The following PSMD6 variants were observed in gnomAD, a reference collection of about 807,000 sequenced individuals.
PSMD6 encodes the protein proteasome 26S subunit, non-ATPase 6, also known as 26S proteasome non-ATPase regulatory subunit 6.
Under a neutral mutation model 44.9 loss-of-function variants are expected in PSMD6, and 7 were observed. The ratio of observed to expected loss-of-function variants is 0.16; its 90% confidence interval spans 0.09 to 0.29. PSMD6 has a LOEUF of 0.29. Ranked by LOEUF, PSMD6 falls within the 10% of genes least tolerant of loss-of-function variation. The pLI is 1.00. For synonymous variants in PSMD6, 184 were observed against 172.7 expected (o/e 1.07, Z -0.51); for missense variants, 420 against 482.6 (o/e 0.87, Z 1.21).
intron 2 of PSMD6, among the ~76,000 whole-genome samples, chr3:64,020,334 C>T (rs1172100817): frequency 6.6e-6 from 1 of 151,886 alleles, no homozygotes; most frequent in Non-Finnish European, 1.5e-5. Context: ...ATATAAAAAA[C>T]GAGAGTAAAT....
chr3:64,021,644 A>C (rs948794952), intron 2 of PSMD6, among the ~76,000 whole-genome samples: 3 of 152,106 alleles, frequency 2.0e-5, no homozygotes, highest in Non-Finnish European at 2.9e-5. Flanking sequence ...TCCAGTCTCT[A>C]CTAATAATAC....
chr3:64,017,830 G>A (rs939791324), intron 5 of PSMD6: 2 of 152,158 alleles, frequency 1.3e-5, no homozygotes. Flanking sequence ...TCTGAAATTT[G>A]CAGCATAAAC....
At chr3:64,023,096 G>C in intron 1 of PSMD6, 179 bp downstream of exon 1, 1 of 1,426,696 alleles carries the variant, frequency 7.0e-7, no homozygotes, top group Non-Finnish European at 9.1e-7. Flanking sequence ...GAGGCAAGTC[G>C]AGGTCCCCCA....
upstream of PSMD6, chr3:64,023,769 T>C: frequency 6.8e-7 from 1 of 1,473,384 alleles, no homozygotes; most frequent in South Asian, 1.2e-5. Flanking sequence ...TTTTGAAAAC[T>C]GAAAATGTAA....
At position 64,012,540 on chromosome 3, in the gene PSMD6, A is replaced by C. The variant is rs1561376; in HGVS notation, c.995+899T>G. The C allele has an allele frequency of 0.011, 1,655 of 152,314 alleles. 91 individuals carry two copies. The East Asian group carries it at 0.13, about 12-fold the overall frequency. 9.4% of individuals were successfully genotyped at this position (152,314 alleles called of 1,614,324 possible). ...CTAAATCTTCCAATGGCTCCCTATCAAACTTACTTAAAACTCAAGCTCCAT... is the reference window on the plus strand; with the variant it reads ...CTAAATCTTCCAATGGCTCCCTATCCAACTTACTTAAAACTCAAGCTCCAT... On this transcript the variant is annotated intron_variant, in intron 6 of 7. Coordinates refer to ENST00000295901, the MANE Select transcript of PSMD6 (RefSeq NM_014814.3).
intron 1 of PSMD6, chr3:64,022,813 G>A (rs1215633248): frequency 1.3e-6 from 2 of 1,535,880 alleles, no homozygotes; most frequent in South Asian, 1.2e-5. Flanking sequence ...TTCAAACAGG[G>A]AAAGACTTTT....
intron 2 of PSMD6, among the ~76,000 whole-genome samples, chr3:64,021,457 T>A (rs551835731): frequency 9.8e-5 from 15 of 152,380 alleles, no homozygotes; most frequent in South Asian, 2.1e-4. Context: ...TTAACTTTTT[T>A]AAAAATTGGT....
chr3:64,019,185 A>G (rs767028078), intron 3 of PSMD6, 111 bp downstream of exon 3: 4 of 1,410,602 alleles, frequency 2.8e-6, no homozygotes, highest in Non-Finnish European at 3.9e-6. Flanking sequence ...AAGTACATCA[A>G]TTATTTGACC....
In PSMD6 at chr3:64,013,539, T is replaced by A. The variant is rs2075995340; in HGVS notation, c.895A>T (p.Met299Leu). ...AGCTGACTGTATGCATGAATTCTCA[T>A]TTCTCTTACATAGTATCGATAATGA... Reference protein sequence around the residue: ...APHYRYYVREMRIHAYSQLLE... With the variant: ...APHYRYYVRELRIHAYSQLLE... The change falls in exon 6 of 8, where the codon ATG becomes TTG. Residue 299 changes from methionine to leucine, a missense_variant. By Grantham distance (15) the Met-to-Leu change is conservative (BLOSUM62 2). Transcript: ENST00000295901. 6.2e-7 allele frequency: 1 copy of A among 1,613,738 alleles called. No homozygotes were observed. The highest frequency in any genetic ancestry group is 1.7e-5 in the Admixed American group (1 of 59,960).
At chr3:64,023,068 AG>A in intron 1 of PSMD6, 2 of 1,429,282 alleles carry the variant, frequency 1.4e-6, no homozygotes, top group Non-Finnish European at 1.8e-6. Flanking sequence ...GGCGGCACAG[AG>A]AGATGCAGAC....
At position 64,010,871 on chromosome 3, in the gene PSMD6, A is replaced by G. The variant is rs747503832; in HGVS notation, c.1073+7T>C. On this transcript the variant is annotated splice_region_variant and intron_variant, in intron 7 of 7. Coordinates refer to ENST00000295901, the MANE Select transcript of PSMD6 (RefSeq NM_014814.3). ...GGAATGCCCCTTATTCTGAGAAATG[A>G]GAGTACCTGTTGGTTTCTACTATTT... 5.6e-6 allele frequency: 9 copies of G among 1,601,294 alleles called. No individual in the cohort carries two copies. The highest frequency in any genetic ancestry group is 2.7e-5 in the African/African-American group (2 of 74,450).
intron 5 of PSMD6, chr3:64,018,232 T>G (rs962081001): frequency 1.2e-5 from 2 of 161,912 alleles, no homozygotes; most frequent in African/African-American, 4.8e-5. Context: ...AATAACCATT[T>G]GCTCACTTTT....
chr3:64,022,291 C>T (rs750538904), intron 2 of PSMD6, 27 bp downstream of exon 2: 2 of 1,610,450 alleles, frequency 1.2e-6, no homozygotes, highest in South Asian at 2.2e-5. Context: ...ATACTAACTA[C>T]AGAGAGGGAA....
At chr3:64,015,601 C>T (rs2076030216) in intron 5 of PSMD6, 1 of 152,070 alleles carries the variant, frequency 6.6e-6, no homozygotes, top group African/African-American at 2.4e-5. Flanking sequence ...TGTATAGTGA[C>T]ATGAAAAGAT....
chr3:64,018,463 G>A, intron 5 of PSMD6, 136 bp downstream of exon 5: 1 of 645,180 alleles, frequency 1.5e-6, no homozygotes, highest in South Asian at 2.1e-5. Context: ...GGGCACATTA[G>A]GAATACTGAT....
chr3:64,018,588 C>T lies in PSMD6; in HGVS notation c.826+11G>A. On this transcript the variant is annotated intron_variant, in intron 5 of 7. Coordinates refer to ENST00000295901, the MANE Select transcript of PSMD6 (RefSeq NM_014814.3). Reference sequence around the variant, plus strand: ...AAGACAGATAATCAAAAATATCAACCCTATCCTTACCTAATGATTGGAAGA... The same window carrying T: ...AAGACAGATAATCAAAAATATCAACTCTATCCTTACCTAATGATTGGAAGA... The T allele has an allele frequency of 6.6e-7, 1 of 1,523,584 alleles. No homozygotes were observed. The highest frequency in any genetic ancestry group is 9.1e-7 in the Non-Finnish European group (1 of 1,101,954). The allele number at this position is 1,523,584 out of a possible 1,614,324, so 94.4% of individuals were successfully genotyped here.
chr3:64,021,533 G>T (rs1445269440), intron 2 of PSMD6, among the ~76,000 whole-genome samples: 1 of 152,150 alleles, frequency 6.6e-6, no homozygotes, highest in African/African-American at 2.4e-5. Context: ...TTATGACCGG[G>T]TGCACTGGCT....
chr3:64,022,704 AG>A, intron 1 of PSMD6, 181 bp from the exon 2 acceptor site: 1 of 1,536,970 alleles, frequency 6.5e-7, no homozygotes, highest in South Asian at 1.2e-5. Flanking sequence ...TGCTGGTGGG[AG>A]GTTTGCGTGA....
upstream of PSMD6, chr3:64,023,582 A>AC: frequency 6.4e-6 from 9 of 1,411,918 alleles, no homozygotes; most frequent in Non-Finnish European, 7.4e-6. Context: ...GGAACGCCTC[A>AC]CCCGGCCTGG....
Sources: gnomAD v4.1 joint callset for allele counts (sites outside exome capture counted in the v4.1 genomes callset) on GRCh38, gnomAD v4.1.1 for gene constraint, MANE v1.5 for transcripts, NCBI Gene and HGNC (gene_info 2026-07-23, HGNC 2026-07-21) for gene names.